ANO1: variants seen among roughly 807,000 people sequenced by gnomAD.
ANO1 encodes the protein anoctamin 1, also known as anoctamin-1.
A neutral mutation model predicts 124.0 loss-of-function variants in ANO1; 59 were observed. That is an observed-to-expected ratio of 0.48 (90% CI 0.39 to 0.59). The LOEUF is 0.59. ANO1 is among the 20% of genes least tolerant of loss of function. The pLI is 0.00. For missense variants in ANO1, 1,059 were observed against 1,328.0 expected, an observed-to-expected ratio of 0.80 and a Z score of 3.15; for synonymous variants, 529 against 532.0, an observed-to-expected ratio of 0.99 and a Z score of 0.08.
intron 1 of ANO1, among the ~76,000 whole-genome samples, chr11:70,045,742 G>A (rs1210267815): frequency 6.6e-6 from 1 of 152,072 alleles, no homozygotes; most frequent in Non-Finnish European, 1.5e-5. Flanking sequence ...GTTTCAAGAT[G>A]AGCTCTCCTC....
chr11:70,125,469 T>C (rs916570787), intron 9 of ANO1, among the ~76,000 whole-genome samples: 1 of 147,394 alleles, frequency 6.8e-6, no homozygotes, highest in Non-Finnish European at 1.5e-5. Context: ...TGAGCCGAGA[T>C]TGTGCCACTG....
intron 1 of ANO1, among the ~76,000 whole-genome samples, chr11:70,008,453 T>C (rs1284080081): frequency 6.6e-6 from 1 of 152,232 alleles, no homozygotes; most frequent in Non-Finnish European, 1.5e-5. Flanking sequence ...CTTCATTCTT[T>C]TGCATGTGAA....
intron 11 of ANO1, among the ~76,000 whole-genome samples, chr11:70,138,161 A>G (rs1287557471): frequency 1.4e-5 from 2 of 146,438 alleles, no homozygotes; most frequent in African/African-American, 2.4e-5. Flanking sequence ...TCAGGCCAAC[A>G]TGGTGAAACC....
intron 16 of ANO1, among the ~76,000 whole-genome samples, chr11:70,157,681 T>C (rs879685172): frequency 3.9e-5 from 6 of 151,950 alleles, no homozygotes; most frequent in Non-Finnish European, 7.4e-5. Context: ...AAGATGAAAC[T>C]GAAGACTTTT....
intron 3 of ANO1, 36 bp downstream of exon 3, chr11:70,103,200 C>T (rs756115843): frequency 6.4e-7 from 1 of 1,553,838 alleles, no homozygotes; most frequent in Admixed American, 1.8e-5. Flanking sequence ...AATGAATCGC[C>T]AAGTCTAGAG....
chr11:70,131,399 C>G (rs1305671878), intron 10 of ANO1, among the ~76,000 whole-genome samples: 1 of 152,168 alleles, frequency 6.6e-6, no homozygotes, highest in Non-Finnish European at 1.5e-5. Context: ...GTGATCTGGG[C>G]TCCCTGCAAC....
At chr11:70,103,392 C>A (rs958869463) in intron 3 of ANO1, among the ~76,000 whole-genome samples, 2 of 152,012 alleles carry the variant, frequency 1.3e-5, no homozygotes, top group Non-Finnish European at 2.9e-5. Flanking sequence ...TCTTTAGAGA[C>A]CCCAGACCAA....
chr11:70,103,701 C>T (rs901398592), intron 3 of ANO1, among the ~76,000 whole-genome samples: 3 of 152,180 alleles, frequency 2.0e-5, no homozygotes, highest in African/African-American at 4.8e-5. Context: ...AAATCAGCCT[C>T]CTGCTTCTCG....
the ANO1 span, among the ~76,000 whole-genome samples, chr11:69,979,264 A>G: frequency 3.3e-5 from 5 of 152,198 alleles, no homozygotes. Flanking sequence ...CCTGGTAATA[A>G]CATTTTGCAA....
intron 12 of ANO1, among the ~76,000 whole-genome samples, chr11:70,152,145 G>A (rs1264168598): frequency 6.6e-6 from 1 of 152,102 alleles, no homozygotes; most frequent in African/African-American, 2.4e-5. Context: ...GACCATCCTG[G>A]CTAACAGGGT....
intron 11 of ANO1, among the ~76,000 whole-genome samples, chr11:70,142,866 C>G (rs2047209603): frequency 6.6e-6 from 1 of 152,186 alleles, no homozygotes; most frequent in Non-Finnish European, 1.5e-5. Flanking sequence ...TCTGTTGTCT[C>G]CTCTTCCAAG....
At chr11:70,145,951 A>C (rs1191102390) in intron 11 of ANO1, among the ~76,000 whole-genome samples, 1 of 151,098 alleles carries the variant, frequency 6.6e-6, no homozygotes, top group African/African-American at 2.4e-5. Context: ...AACAAAAAAA[A>C]AAAAAAAAAA....
the ANO1 span, among the ~76,000 whole-genome samples, chr11:69,974,277 A>T: frequency 6.6e-6 from 1 of 152,146 alleles, no homozygotes; most frequent in Admixed American, 6.6e-5. Context: ...GTGAGCCAAG[A>T]TCATGCCACT....
At chr11:69,988,286 T>C (rs1427449075) in intron 1 of ANO1, among the ~76,000 whole-genome samples, 1 of 152,190 alleles carries the variant, frequency 6.6e-6, no homozygotes, top group Non-Finnish European at 1.5e-5. Context: ...GAAGCACTTA[T>C]CTTGTGAAGT....
At position 70,082,720 on chromosome 11, in the gene ANO1, G is replaced by A. The variant is rs79671986; in HGVS notation, c.108+4006G>A. Among the ~76,000 whole-genome samples the A allele has an allele frequency of 8.3e-4, 127 of 152,272 alleles. No homozygotes were observed. In the East Asian group the frequency reaches 0.013, roughly 16 times the overall value. On this transcript the variant is annotated intron_variant, in intron 1 of 25. Transcript: ENST00000355303. ...AAGTCTCACCCACATCCCTCCCACT[G>A]CAATTACATCTTTGCCTTTTTGTCC...
intron 9 of ANO1, among the ~76,000 whole-genome samples, chr11:70,125,706 T>C (rs1440028873): frequency 1.3e-5 from 2 of 149,350 alleles, no homozygotes; most frequent in Non-Finnish European, 3.0e-5. Context: ...TAGCCGGGCG[T>C]GGTGGCGGGC....
chr11:70,073,345 C>G (rs527706240), upstream of ANO1, among the ~76,000 whole-genome samples: 6 of 152,284 alleles, frequency 3.9e-5, no homozygotes, highest in Non-Finnish European at 7.3e-5. Flanking sequence ...TCCCACACCT[C>G]ATGAGAAAGG....
intron 1 of ANO1, among the ~76,000 whole-genome samples, chr11:70,080,722 C>T (rs2044175516): frequency 6.6e-6 from 1 of 152,236 alleles, no homozygotes; most frequent in Non-Finnish European, 1.5e-5. Flanking sequence ...CTCCTGGGTT[C>T]CACACAACAC....
rs753121347 is a variant in ANO1, at chr11:70,163,271, C to T, written c.1893-12C>T. 3.1e-6 allele frequency: 5 copies of T among 1,612,756 alleles called. No homozygotes were observed. The highest frequency in any genetic ancestry group is 3.4e-6 in the Non-Finnish European group (4 of 1,179,702). On this transcript the variant is annotated splice_polypyrimidine_tract_variant and intron_variant, in intron 18 of 25. Coordinates refer to ENST00000355303, the MANE Select transcript of ANO1 (RefSeq NM_018043.7). ...CTCATCTTTTCTCTAACGACCTCCC[C>T]CATCGTTTCAGGTTTGTTGGACGCC...
Sources: gnomAD v4.1 joint callset for allele counts (sites outside exome capture counted in the v4.1 genomes callset) on GRCh38, gnomAD v4.1.1 for gene constraint, MANE v1.5 for transcripts, NCBI Gene and HGNC (gene_info 2026-07-23, HGNC 2026-07-21) for gene names.